Variants in ACTL6A observed in about 807,000 individuals in gnomAD.
ACTL6A encodes actin-like protein 6A.
A neutral mutation model predicts 59.2 loss-of-function variants in ACTL6A; 5 were observed. The ratio of observed to expected loss-of-function variants is 0.08; its 90% CI spans 0.04 to 0.18. The LOEUF is 0.18. Ranked by LOEUF, ACTL6A falls within the 10% of genes least tolerant of loss-of-function variation. The probability of loss-of-function intolerance (pLI) is 1.00; values close to 1 mark genes in which losing one functional copy is unlikely to be tolerated. For missense variants in ACTL6A, 285 were observed against 526.9 expected (o/e 0.54, Z 4.49); for synonymous variants, 154 against 171.8 (o/e 0.90, Z 0.81).
chr3:179,571,216 G>A (rs1355971830), intron 3 of ACTL6A, among the ~76,000 whole-genome samples: 1 of 152,106 alleles, frequency 6.6e-6, no homozygotes, highest in Non-Finnish European at 1.5e-5. Flanking sequence ...GAGTCTAGGA[G>A]TTTGAGACCA....
At chr3:179,577,794 C>T (rs1718213041) in intron 8 of ACTL6A, among the ~76,000 whole-genome samples, 1 of 151,282 alleles carries the variant, frequency 6.6e-6, no homozygotes, top group Non-Finnish European at 1.5e-5. Flanking sequence ...ATCCCTGTTC[C>T]TTCAAAGGAC....
chr3:179,570,138 C>T lies in ACTL6A; in HGVS notation c.174C>T (p.Gly58=), dbSNP rs768320763. The T allele has an allele frequency of 9.9e-6, 16 of 1,613,810 alleles. No individual in the cohort carries two copies. The highest frequency in any genetic ancestry group is 1.3e-5 in the Non-Finnish European group (15 of 1,179,964). ...DDGSTLMEID[G]DKGKQGGPTY... is the part of the protein sequence containing the mutation. The stretch of plus-strand genomic sequence containing the variant: ...GAAGCACATTAATGGAAATAGATGG[C>T]GATAAAGGCAAACAAGGCGGTCCCA... The change falls in exon 3 of 14, where the codon GGC becomes GGT. Residue 58 remains glycine (G), a synonymous_variant. Coordinates refer to ENST00000429709, the MANE Select transcript of ACTL6A (RefSeq NM_004301.5). The surrounding 1 kb of genome is among the most constrained non-coding windows in gnomAD (Gnocchi z 4.3).
intron 1 of ACTL6A, among the ~76,000 whole-genome samples, chr3:179,566,600 C>G (rs984074173): frequency 1.3e-5 from 2 of 152,190 alleles, no homozygotes; most frequent in South Asian, 2.1e-4. Context: ...AGGTCTGTCT[C>G]TGTGTGTAGA....
chr3:179,582,028 G>T (rs1426067419), intron 11 of ACTL6A, among the ~76,000 whole-genome samples: 1 of 152,150 alleles, frequency 6.6e-6, no homozygotes, highest in East Asian at 1.9e-4. Flanking sequence ...AAAGCATAGT[G>T]CTAATAACTA....
chr3:179,576,149 C>A, intron 5 of ACTL6A, 68 bp from the exon 6 acceptor site: 1 of 1,102,308 alleles, frequency 9.1e-7, no homozygotes, highest in Admixed American at 1.8e-5. Context: ...ATTATAAGAG[C>A]CTGCCCTTTA....
intron 1 of ACTL6A, among the ~76,000 whole-genome samples, chr3:179,567,072 A>G (rs1717858754): frequency 1.3e-5 from 2 of 152,160 alleles, no homozygotes; most frequent in South Asian, 4.1e-4. Flanking sequence ...ACTTCTTCAA[A>G]GATTCTGGTT....
chr3:179,572,934 T>G lies in ACTL6A; in HGVS notation c.278-435T>G, dbSNP rs369172522. ...ACATGTCTTTTAGTCTTTTTCCAAATAGATTGTAAGTTTTTTTGAGTGTCG... is the reference window on the plus strand; with the variant it reads ...ACATGTCTTTTAGTCTTTTTCCAAAGAGATTGTAAGTTTTTTTGAGTGTCG... On this transcript the variant is annotated intron_variant, in intron 3 of 13. Coordinates refer to ENST00000429709, the MANE Select transcript of ACTL6A (RefSeq NM_004301.5). Among the ~76,000 whole-genome samples, 6 of 151,876 alleles carry G rather than the reference T, an allele frequency of 4.0e-5. No individual in the cohort carries two copies. The South Asian group carries it at 6.2e-4, about 16-fold the overall frequency.
intron 1 of ACTL6A, among the ~76,000 whole-genome samples, chr3:179,569,601 T>C (rs1270602995): frequency 1.3e-5 from 2 of 152,174 alleles, no homozygotes; most frequent in Non-Finnish European, 2.9e-5. Context: ...TTTGGGATGC[T>C]GAGGCAGAGG....
In ACTL6A at chr3:179,588,102, T is replaced by C. The variant is rs1718567491; in HGVS notation, c.*92T>C. On this transcript the variant is annotated 3_prime_UTR_variant, in exon 14 of 14. Coordinates refer to ENST00000429709, the MANE Select transcript of ACTL6A (RefSeq NM_004301.5). ...AAAAGAATGACCATCTTTTGTAGAA[T>C]GTTTATACATTTTTGCATATTTCAA... 8 of 953,144 alleles carry C rather than the reference T, an allele frequency of 8.4e-6. No homozygotes were observed. In the Middle Eastern group the frequency reaches 8.9e-4, roughly 106 times the overall value. 59.0% of individuals were successfully genotyped at this position (953,144 alleles called of 1,614,324 possible).
At chr3:179,567,924 A>G (rs1717886036) in intron 1 of ACTL6A, among the ~76,000 whole-genome samples, 1 of 152,168 alleles carries the variant, frequency 6.6e-6, no homozygotes, top group African/African-American at 2.4e-5. Flanking sequence ...CTATAATCCC[A>G]GCACTTTGAG....
At position 179,576,212 on chromosome 3, in the gene ACTL6A, A is replaced by G; in HGVS notation, c.477-5A>G. ...TACTTTCTTTTCCTTAATGTTTTAA[A>G]CTAGATTTGCTAATGGTCGTTCTAC... On this transcript the variant is annotated splice_region_variant and splice_polypyrimidine_tract_variant and intron_variant, in intron 5 of 13. Coordinates refer to ENST00000429709, the MANE Select transcript of ACTL6A (RefSeq NM_004301.5). 6.2e-7 allele frequency: 1 copy of G among 1,611,726 alleles called. No homozygotes were observed. The highest frequency in any genetic ancestry group is 8.5e-7 in the Non-Finnish European group (1 of 1,177,870).
At chr3:179,567,954 A>T (rs1161571508) in intron 1 of ACTL6A, among the ~76,000 whole-genome samples, 1 of 152,130 alleles carries the variant, frequency 6.6e-6, no homozygotes, top group Non-Finnish European at 1.5e-5. Flanking sequence ...CGGGTGGATC[A>T]CGAGGTCAGG....
At position 179,573,535 on chromosome 3, in the gene ACTL6A, T is replaced by C. The variant is rs1240869263; in HGVS notation, c.378+66T>C. The C allele has an allele frequency of 1.3e-5, 14 of 1,117,138 alleles. No individual in the cohort carries two copies. In the East Asian group the frequency reaches 3.0e-4, roughly 24 times the overall value. The allele number at this position is 1,117,138 out of a possible 1,614,324, so 69.2% of individuals were successfully genotyped here. The stretch of plus-strand genomic sequence containing the variant: ...TTTTTTTTTTCTTTTTTTTTTCCTT[T>C]AGTTTTCTACTCATTTGATGAACAT... On this transcript the variant is annotated intron_variant, in intron 4 of 13. Coordinates refer to ENST00000429709, the MANE Select transcript of ACTL6A (RefSeq NM_004301.5).
intron 8 of ACTL6A, among the ~76,000 whole-genome samples, chr3:179,580,220 T>C (rs1009588463): frequency 6.6e-6 from 1 of 152,228 alleles, no homozygotes; most frequent in African/African-American, 2.4e-5. Context: ...TATTAAACTG[T>C]TTTATACTAT....
At chr3:179,575,100 C>G (rs1260019400) in intron 5 of ACTL6A, 2 of 256,512 alleles carry the variant, frequency 7.8e-6, no homozygotes, top group Non-Finnish European at 1.5e-5. Context: ...GCCTCAGTCT[C>G]CCAAAGTGCT....
chr3:179,579,475 C>CACACAT (rs1379437622), intron 8 of ACTL6A, among the ~76,000 whole-genome samples: 1 of 151,880 alleles, frequency 6.6e-6, no homozygotes, highest in Non-Finnish European at 1.5e-5. Context: ...CACACACACA[C>CACACAT]ACACACACAC....
Position 179,587,854 on chromosome 3 carries a change from CAAA to C in ACTL6A, c.1210-66_1210-64del, listed in dbSNP as rs534630098. The C allele has an allele frequency of 2.5e-4, 266 of 1,045,362 alleles. 1 individual carries two copies. The highest frequency in any genetic ancestry group is 6.6e-4 in the South Asian group (38 of 57,258). The allele number at this position is 1,045,362 out of a possible 1,614,324, so 64.8% of individuals were successfully genotyped here. A position where few individuals can be genotyped will look rare whatever the true frequency, so the allele number is the denominator to read the frequency against. On this transcript the variant is annotated intron_variant, in intron 13 of 13. Coordinates refer to ENST00000429709, the MANE Select transcript of ACTL6A (RefSeq NM_004301.5). ...TGGCTGACAGAGCAAGACCTTCTCTCAAAAAAAAAAAATTTTTTAAGCCATTTC... is the reference window on the plus strand; with the variant it reads ...TGGCTGACAGAGCAAGACCTTCTCTCAAAAAAAAATTTTTTAAGCCATTTC...
chr3:179,572,341 A>C (rs1037517063), intron 3 of ACTL6A, among the ~76,000 whole-genome samples: 1 of 152,204 alleles, frequency 6.6e-6, no homozygotes, highest in Non-Finnish European at 1.5e-5. Flanking sequence ...CTTTACACTA[A>C]GAAAGAAGTT....
chr3:179,563,229 G>A (rs916385184), intron 1 of ACTL6A, 112 bp downstream of exon 1: 1 of 1,474,668 alleles, frequency 6.8e-7, no homozygotes, highest in Non-Finnish European at 9.0e-7. Context: ...CCCCTCTCGG[G>A]ACCCCGGCCT....
Sources: gnomAD v4.1 joint callset for allele counts (sites outside exome capture counted in the v4.1 genomes callset) on GRCh38, gnomAD v4.1.1 for gene constraint, Gnocchi (gnomAD v3.1) non-coding constraint, MANE v1.5 for transcripts, NCBI Gene and HGNC (gene_info 2026-07-23, HGNC 2026-07-21) for gene names.